NINL: variants seen among roughly 807,000 people sequenced by gnomAD.
The protein encoded by NINL is ninein-like protein.
A neutral mutation model predicts 160.3 loss-of-function variants in NINL; 153 were observed. The observed-to-expected ratio is 0.95, with a 90% CI of 0.84 to 1.09. NINL has a LOEUF of 1.09. Ranked by LOEUF, NINL falls within the 50% of genes least tolerant of loss-of-function variation. The pLI is 0.00. For missense variants in NINL, 1,829 were observed against 1,764.0 expected (o/e 1.04, Z -0.66); for synonymous variants, 800 against 734.8 (o/e 1.09, Z -1.43).
In NINL at chr20:25,573,313, T is replaced by A. The variant is rs1169108071; in HGVS notation, c.-12+12142A>T. 5.3e-5 allele frequency among the ~76,000 whole-genome samples: 8 copies of A among 150,434 alleles called. No homozygotes were observed. The East Asian group carries it at 1.2e-3, about 22-fold the overall frequency. ...ACTCCATCTCAAAAAAAAAAAAAAA[T>A]TAAAGAATAAAATAACATAGCCTAT... is the stretch of plus-strand genomic sequence containing the variant. On this transcript the variant is annotated intron_variant, in intron 1 of 23. Coordinates refer to ENST00000278886, the MANE Select transcript of NINL (RefSeq NM_025176.6).
Position 25,540,607 on chromosome 20 carries a change from A to G in NINL, c.-11-14009T>C, listed in dbSNP as rs149678546. On this transcript the variant is annotated intron_variant, in intron 1 of 23. Coordinates refer to ENST00000278886, the MANE Select transcript of NINL (RefSeq NM_025176.6). ...TCCGTAACGGGAAGCCATTCCCAAC[A>G]AGGATCTCTGTAAATCCTGCTCGCC... 2.4e-4 allele frequency among the ~76,000 whole-genome samples: 36 copies of G among 152,262 alleles called. 1 individual carries two copies. The East Asian group carries it at 6.8e-3, about 29-fold the overall frequency.
At chr20:25,471,301 A>G (rs1378348997) in intron 17 of NINL, among the ~76,000 whole-genome samples, 1 of 152,192 alleles carries the variant, frequency 6.6e-6, no homozygotes, top group Non-Finnish European at 1.5e-5. Context: ...TATGTATTAT[A>G]CTTATAATAG....
intron 3 of NINL, among the ~76,000 whole-genome samples, chr20:25,514,205 G>C (rs1462451530): frequency 6.6e-6 from 1 of 152,148 alleles, no homozygotes; most frequent in African/African-American, 2.4e-5. Context: ...GAGCATATTG[G>C]GAACTGAAAA....
In NINL at chr20:25,573,747, C is replaced by A. The variant is rs181330574; in HGVS notation, c.-12+11708G>T. On this transcript the variant is annotated intron_variant, in intron 1 of 23. Transcript: ENST00000278886. ...TAAAATAAAATGTTACAATCCTGGG[C>A]TGATGCAGTTTCCCCTGAGTCAACT... is the stretch of plus-strand genomic sequence containing the variant. 9.6e-4 allele frequency among the ~76,000 whole-genome samples: 146 copies of A among 152,352 alleles called. 1 individual carries two copies. The highest frequency in any genetic ancestry group is 3.3e-3 in the African/African-American group (138 of 41,584).
Position 25,453,502 on chromosome 20 carries a change from G to A in NINL, c.4098C>T (p.Arg1366=), listed in dbSNP as rs369509557. 6 of 1,614,018 alleles carry A rather than the reference G, an allele frequency of 3.7e-6. No individual in the cohort carries two copies. In the South Asian group the frequency reaches 5.5e-5, roughly 15 times the overall value. The change falls in exon 24 of 24, where the codon CGC becomes CGT. Residue 1366 remains arginine, a synonymous_variant. Transcript: ENST00000278886. The stretch of plus-strand genomic sequence containing the variant: ...TCCTACTGACGAGTTTGTTGAGAGC[G>A]CGAACTTTTTCTTCCAAGAGGCGGC... ...KQSRLLEEKV[R]ALNKLVSRIA... is the part of the protein sequence containing the mutation.
At position 25,505,198 on chromosome 20, in the gene NINL, C is replaced by T. The variant is rs1331327024; in HGVS notation, c.518-120G>A. 1.7e-5 allele frequency: 16 copies of T among 922,730 alleles called. 1 individual carries two copies. Among genetic ancestry groups the T allele is most frequent in the South Asian group, 5.6e-5 (3 of 53,716 alleles). 57.2% of individuals were successfully genotyped at this position (922,730 alleles called of 1,614,324 possible). ...GCGTGAATGAATGTGGAGGACATTA[C>T]GCTAAGTGAAATTAGCAGACACAGA... is the stretch of plus-strand genomic sequence containing the variant. On this transcript the variant is annotated intron_variant, in intron 5 of 23. Coordinates refer to ENST00000278886, the MANE Select transcript of NINL (RefSeq NM_025176.6).
At chr20:25,455,894 A>C in intron 22 of NINL, 108 bp from the exon 23 acceptor site, 1 of 802,396 alleles carries the variant, frequency 1.2e-6, no homozygotes, top group Non-Finnish European at 2.1e-6. Flanking sequence ...GGAGTTTGAG[A>C]CCAACCTGGC....
chr20:25,509,709 T>A (rs1015465378), intron 5 of NINL: 1 of 456,648 alleles, frequency 2.2e-6, no homozygotes, highest in African/African-American at 2.0e-5. Context: ...GCAGGCATCA[T>A]GTAAGTCAGC....
At chr20:25,549,999 G>A (rs1179513466) in intron 1 of NINL, among the ~76,000 whole-genome samples, 2 of 152,186 alleles carry the variant, frequency 1.3e-5, no homozygotes, top group Non-Finnish European at 2.9e-5. Flanking sequence ...AGAGGACAGT[G>A]AAAAGAACAC....
intron 1 of NINL, among the ~76,000 whole-genome samples, chr20:25,575,586 A>C (rs1192655811): frequency 6.6e-6 from 1 of 151,984 alleles, no homozygotes; most frequent in Non-Finnish European, 1.5e-5. Context: ...CCCCGTCTCT[A>C]CTAAAAAGTA....
chr20:25,513,087 A>C, intron 3 of NINL, 81 bp from the exon 4 acceptor site: 1 of 1,416,402 alleles, frequency 7.1e-7, no homozygotes, highest in Non-Finnish European at 9.6e-7. Context: ...CCCTCTGAGA[A>C]GGTGCACACT....
chr20:25,473,597 G>C (rs964928788), intron 17 of NINL, among the ~76,000 whole-genome samples: 2 of 151,424 alleles, frequency 1.3e-5, no homozygotes, highest in African/African-American at 4.8e-5. Context: ...GATGAGGCAG[G>C]CAAATCACTT....
intron 22 of NINL, among the ~76,000 whole-genome samples, chr20:25,457,281 G>T (rs574684518): frequency 6.6e-6 from 1 of 151,590 alleles, no homozygotes; most frequent in African/African-American, 2.4e-5. Context: ...CCAAGATTAC[G>T]CCACTGCACT....
rs117522200 is a variant in NINL, at chr20:25,504,944, C to A, written c.652G>T (p.Glu218Ter). Residue 218 changes from glutamate to a stop codon, truncating the protein, a stop_gained, in exon 6 of 24, where the codon GAG (glutamate) becomes TAG (stop). Coordinates refer to ENST00000278886, the MANE Select transcript of NINL (RefSeq NM_025176.6). LOFTEE classifies it high-confidence loss of function. ...LGVGSSGHLS[E>*]QELAVVCQSV... Reference sequence around the variant, plus strand: ...TGGCAGACCACAGCCAGCTCCTGCTCGCTCAGGTGTCCGCTGCTGCCCACC... The same window carrying A: ...TGGCAGACCACAGCCAGCTCCTGCTAGCTCAGGTGTCCGCTGCTGCCCACC... The A allele has an allele frequency of 1.2e-6, 2 of 1,612,648 alleles. No homozygotes were observed. The highest frequency in any genetic ancestry group is 1.7e-6 in the Non-Finnish European group (2 of 1,179,990).
chr20:25,480,161 C>T lies in NINL; in HGVS notation c.1917G>A (p.Lys639=), dbSNP rs766740750. 1.9e-6 allele frequency: 3 copies of T among 1,612,772 alleles called. No individual in the cohort carries two copies. In the South Asian group the frequency reaches 3.3e-5, roughly 18 times the overall value. The change falls in exon 15 of 24, where the codon AAG becomes AAA. Residue 639 remains lysine, a splice_region_variant and synonymous_variant. Coordinates refer to ENST00000278886, the MANE Select transcript of NINL (RefSeq NM_025176.6). ...YQDLRTQLET[K]VNYYEREIAA... is the part of the protein sequence containing the mutation. Reference sequence around the variant, plus strand: ...CCCCACAGCCCCATAATCCCCTCACCTTGGTCTCCAGCTGGGTCCTGAGGT... The same window carrying T: ...CCCCACAGCCCCATAATCCCCTCACTTTGGTCTCCAGCTGGGTCCTGAGGT...
intron 16 of NINL, among the ~76,000 whole-genome samples, chr20:25,477,866 C>T (rs563818469): frequency 5.3e-5 from 8 of 151,892 alleles, no homozygotes; most frequent in South Asian, 2.1e-4. Flanking sequence ...TCTTACCACA[C>T]GCTCTTGGCT....
intron 13 of NINL, among the ~76,000 whole-genome samples, chr20:25,486,554 A>G (rs1285002634): frequency 6.6e-6 from 1 of 152,132 alleles, no homozygotes; most frequent in African/African-American, 2.4e-5. Context: ...CCCCATCCGC[A>G]TGGCAGGCCC....
chr20:25,478,676 G>T (rs940029827), intron 16 of NINL, among the ~76,000 whole-genome samples: 5 of 152,276 alleles, frequency 3.3e-5, no homozygotes, highest in Admixed American at 3.3e-4. Flanking sequence ...TGAGGCAGAG[G>T]GTACAGAACA....
chr20:25,567,028 C>T (rs1236747158), intron 1 of NINL, among the ~76,000 whole-genome samples: 1 of 152,042 alleles, frequency 6.6e-6, no homozygotes, highest in Non-Finnish European at 1.5e-5. Flanking sequence ...TACCTATAGT[C>T]CCAGGAGTTT....
Sources: gnomAD v4.1 joint callset for allele counts (sites outside exome capture counted in the v4.1 genomes callset) on GRCh38, gnomAD v4.1.1 for gene constraint, MANE v1.5 for transcripts, NCBI Gene and HGNC (gene_info 2026-07-23, HGNC 2026-07-21) for gene names.